MEI1: variants seen among roughly 807,000 people sequenced by gnomAD.
The protein encoded by MEI1 is meiosis inhibitor protein 1.
Under a neutral mutation model 146.2 loss-of-function variants are expected in MEI1, and 103 were observed. That is an observed-to-expected ratio of 0.70 (90% CI 0.60 to 0.83). The LOEUF is 0.83. Among genes scored for constraint, MEI1 ranks in the 40% least tolerant of loss-of-function variants. The pLI is 0.00. For missense variants in MEI1, 1,529 were observed against 1,533.0 expected (o/e 1.00, Z 0.04); for synonymous variants, 652 against 628.2 (o/e 1.04, Z -0.57).
At chr22:41,740,918 A>G (rs554005505) in intron 11 of MEI1, among the ~76,000 whole-genome samples, 1 of 151,998 alleles carries the variant, frequency 6.6e-6, no homozygotes, top group Admixed American at 6.6e-5. Flanking sequence ...TCAGTGCTCA[A>G]CAAAGGCTCA....
At chr22:41,709,224 TG>T in intron 3 of MEI1, 1 of 864,262 alleles carries the variant, frequency 1.2e-6, no homozygotes, top group Non-Finnish European at 1.9e-6. Flanking sequence ...ACACTTCACT[TG>T]GCATCTCCAG....
chr22:41,731,781 G>T (rs1046652037), intron 9 of MEI1, among the ~76,000 whole-genome samples: 1 of 152,170 alleles, frequency 6.6e-6, no homozygotes, highest in African/African-American at 2.4e-5. Context: ...ATTGGTTCTT[G>T]CCCTCAGAAA....
rs2075762543 is a variant in MEI1 at position 41,781,670 on chromosome 22, G to C, written c.2927-15G>C. ...CTGTAACTCCTGTGGGCCCTGCCTTGCCCACCCCCGACAGCTGCTGCAGTG... is the reference window on the plus strand; with the variant it reads ...CTGTAACTCCTGTGGGCCCTGCCTTCCCCACCCCCGACAGCTGCTGCAGTG... On this transcript the variant is annotated splice_polypyrimidine_tract_variant and intron_variant, in intron 23 of 30. Transcript: ENST00000401548. The C allele has an allele frequency of 6.2e-7, 1 of 1,610,696 alleles. No individual in the cohort carries two copies. The highest frequency in any genetic ancestry group is 8.5e-7 in the Non-Finnish European group (1 of 1,178,510).
chr22:41,744,338 T>C (rs928452019), intron 12 of MEI1, among the ~76,000 whole-genome samples: 1 of 151,230 alleles, frequency 6.6e-6, no homozygotes, highest in Non-Finnish European at 1.5e-5. Flanking sequence ...GCCTGGCTAA[T>C]TTTTTTTGTA....
chr22:41,754,525 C>A (rs2073970350), intron 17 of MEI1, among the ~76,000 whole-genome samples: 1 of 152,112 alleles, frequency 6.6e-6, no homozygotes. Flanking sequence ...CCTCTGCCTT[C>A]CAGGTTCAAG....
chr22:41,745,040 T>A lies in MEI1; in HGVS notation c.1514T>A (p.Leu505Gln). The change falls in exon 13 of 31, where the codon CTG becomes CAG. Residue 505 changes from leucine (L) to glutamine (Q), a missense_variant. Around this residue, in one of 3 missense-constraint regions of MEI1, gnomAD observed 1,212 missense variants for 1,178.9 expected, o/e 1.03. Coordinates refer to ENST00000401548, the MANE Select transcript of MEI1 (RefSeq NM_152513.4). ...LQRGKFLLST[L>Q]EGFRSACRLA... is the part of the protein sequence containing the mutation. Reference sequence around the variant, plus strand: ...AGGGGAAAGTTCCTCCTCAGCACTCTGGAGGGATTTAGAAGTGCCTGCAGG... The same window carrying A: ...AGGGGAAAGTTCCTCCTCAGCACTCAGGAGGGATTTAGAAGTGCCTGCAGG... The A allele has an allele frequency of 6.4e-7, 1 of 1,561,080 alleles. No individual in the cohort carries two copies. Among genetic ancestry groups the A allele is most frequent in the Non-Finnish European group, 8.7e-7 (1 of 1,151,906 alleles).
intron 9 of MEI1, among the ~76,000 whole-genome samples, chr22:41,731,051 C>CTTTTTTTTTTTTTTTTTTTTTTTTT: frequency 8.5e-6 from 1 of 117,152 alleles, no homozygotes; most frequent in African/African-American, 3.7e-5. Flanking sequence ...TTGTCTGGGA[C>CTTTTTTTTTTTTTTTTTTTTTTTTT]TTTTTTTTTT....
rs760456222 is a variant in MEI1, at chr22:41,754,006, T to C, written c.1911T>C (p.Leu637=). 1.2e-6 allele frequency: 2 copies of C among 1,613,760 alleles called. No individual in the cohort carries two copies. Among genetic ancestry groups the C allele is most frequent in the East Asian group, 2.2e-5 (1 of 44,888 alleles). ...SNFLYYMCLN[L]LSAPEKTGPP... The stretch of plus-strand genomic sequence containing the variant: ...TCCTCTACTATATGTGCCTCAACCT[T>C]CTCTCAGCTCCAGAGAAGACAGGAC... Residue 637 remains leucine, a synonymous_variant, in exon 17 of 31, where the codon CTT becomes CTC. Coordinates refer to ENST00000401548, the MANE Select transcript of MEI1 (RefSeq NM_152513.4).
At chr22:41,770,161 A>G (rs888052049) in intron 19 of MEI1, among the ~76,000 whole-genome samples, 5 of 151,864 alleles carry the variant, frequency 3.3e-5, no homozygotes, top group African/African-American at 1.2e-4. Context: ...ATTATTCAAC[A>G]TATCTCCCCT....
In MEI1 at chr22:41,795,276, ACT is replaced by A; in HGVS notation, c.3535-132_3535-131del. 2.5e-6 allele frequency: 3 copies of A among 1,217,850 alleles called. No homozygotes were observed. Among genetic ancestry groups the A allele is most frequent in the Non-Finnish European group, 3.5e-6 (3 of 864,420 alleles). The allele number at this position is 1,217,850 out of a possible 1,614,324, so 75.4% of individuals were successfully genotyped here. A position where few individuals can be genotyped will look rare whatever the true frequency, so the allele number is the denominator to read the frequency against. ...GACACAGTCCCACCTCTGCCCACTAACTCTGAGCTCCTTGAAGGCAGGCAGGT... is the reference window on the plus strand; with the variant it reads ...GACACAGTCCCACCTCTGCCCACTAACTGAGCTCCTTGAAGGCAGGCAGGT... On this transcript the variant is annotated intron_variant, in intron 28 of 30. Transcript: ENST00000401548. This position sits in a 1 kb window ranked among gnomAD's most constrained non-coding sequence, Gnocchi z 4.2.
intron 18 of MEI1, among the ~76,000 whole-genome samples, chr22:41,759,685 C>T (rs1276257434): frequency 6.9e-6 from 1 of 143,936 alleles, no homozygotes; most frequent in South Asian, 2.2e-4. Flanking sequence ...AAAAATCAGC[C>T]GGGCATGGTG....
chr22:41,718,355 T>C, intron 6 of MEI1, 81 bp downstream of exon 6: 7 of 1,391,064 alleles, frequency 5.0e-6, no homozygotes, highest in Non-Finnish European at 5.9e-6. Flanking sequence ...GGTTCTCTAG[T>C]AGTGGGGAAG....
chr22:41,740,142 C>T (rs1331708767), intron 11 of MEI1, among the ~76,000 whole-genome samples: 2 of 151,834 alleles, frequency 1.3e-5, no homozygotes, highest in Admixed American at 6.6e-5. Context: ...GCCTTAGCCT[C>T]GCGAGTAGCT....
At chr22:41,737,394 G>A (rs1171499422) in intron 11 of MEI1, among the ~76,000 whole-genome samples, 1 of 151,842 alleles carries the variant, frequency 6.6e-6, no homozygotes, top group South Asian at 2.1e-4. Context: ...CCACCACCAC[G>A]CCCAGCTAAT....
At chr22:41,705,595 A>G (rs774797482) in intron 3 of MEI1, 41 bp downstream of exon 3, 5 of 1,550,572 alleles carry the variant, frequency 3.2e-6, no homozygotes, top group South Asian at 1.1e-5. Context: ...AGATGAAAGT[A>G]TTAGTCTGAA....
chr22:41,779,931 T>G (rs1446270603), intron 22 of MEI1, among the ~76,000 whole-genome samples: 1 of 152,194 alleles, frequency 6.6e-6, no homozygotes, highest in East Asian at 1.9e-4. Context: ...ATGACATGTC[T>G]TCAGTGTTTG....
chr22:41,778,108 A>G (rs1356841060), intron 21 of MEI1, among the ~76,000 whole-genome samples: 1 of 149,698 alleles, frequency 6.7e-6, no homozygotes, highest in Non-Finnish European at 1.5e-5. Flanking sequence ...CCAACCTCAG[A>G]CTCCTGAGTA....
At chr22:41,734,619 T>A (rs1282307821) in intron 11 of MEI1, among the ~76,000 whole-genome samples, 1 of 152,146 alleles carries the variant, frequency 6.6e-6, no homozygotes, top group Non-Finnish European at 1.5e-5. Flanking sequence ...AACAATGGAA[T>A]GTAAATAGTT....
intron 24 of MEI1, among the ~76,000 whole-genome samples, chr22:41,782,737 C>T (rs993565734): frequency 3.3e-5 from 5 of 152,212 alleles, no homozygotes; most frequent in Non-Finnish European, 7.3e-5. Flanking sequence ...GAAACCTTTC[C>T]TAATTTTCCG....
Sources: allele counts gnomAD v4.1 joint callset (sites outside exome capture counted in the v4.1 genomes callset), GRCh38; gene constraint gnomAD v4.1.1; regional missense constraint gnomAD v4.1.1; non-coding constraint Gnocchi (gnomAD v3.1); transcripts MANE v1.5; gene names NCBI Gene and HGNC (gene_info 2026-07-23, HGNC 2026-07-21).